MYT1L: variants seen among roughly 807,000 people sequenced by gnomAD.
MYT1L encodes myelin transcription factor 1 like.
A neutral mutation model predicts 126.7 loss-of-function variants in MYT1L; 12 were observed. The ratio of observed to expected loss-of-function variants is 0.09; its 90% CI spans 0.06 to 0.15. The LOEUF (loss-of-function observed/expected upper bound fraction) is 0.15. Ranked by LOEUF, MYT1L falls within the 10% of genes least tolerant of loss-of-function variation. The probability of loss-of-function intolerance (pLI) is 1.00; values close to 1 mark genes in which losing one functional copy is unlikely to be tolerated. For missense variants in MYT1L, 979 were observed against 1,585.2 expected, an observed-to-expected ratio of 0.62 and a Z score of 6.49; for synonymous variants, 541 against 604.2, an observed-to-expected ratio of 0.90 and a Z score of 1.53.
chr2:2,327,631 A>G (rs536416162), intron 1 of MYT1L, among the ~76,000 whole-genome samples: 1 of 152,308 alleles, frequency 6.6e-6, no homozygotes, highest in East Asian at 1.9e-4. Flanking sequence ...TCCTGAACAG[A>G]GTTCTGGTGA....
At chr2:2,248,742 C>G (rs549394041) in intron 2 of MYT1L, among the ~76,000 whole-genome samples, 3 of 152,180 alleles carry the variant, frequency 2.0e-5, no homozygotes, top group African/African-American at 7.2e-5. Context: ...CAGTGTCATA[C>G]ACAATATCCA....
At chr2:2,181,151 A>C (rs567862833) in intron 2 of MYT1L, among the ~76,000 whole-genome samples, 1 of 126,144 alleles carries the variant, frequency 7.9e-6, no homozygotes, top group Admixed American at 8.4e-5. Context: ...TCTGTGCCTG[A>C]GTATGTACCT....
intron 4 of MYT1L, among the ~76,000 whole-genome samples, chr2:2,040,629 T>A (rs1204350366): frequency 1.3e-5 from 2 of 152,206 alleles, no homozygotes; most frequent in African/African-American, 2.4e-5. Flanking sequence ...TATGCCCTTA[T>A]AATTAGACAC....
intron 18 of MYT1L, among the ~76,000 whole-genome samples, chr2:1,866,692 A>G (rs370572409): frequency 1.3e-4 from 7 of 53,396 alleles, no homozygotes; most frequent in East Asian, 8.6e-4. Flanking sequence ...AGGCAGAGAG[A>G]GAGGGAGAGG....
intron 2 of MYT1L, among the ~76,000 whole-genome samples, chr2:2,186,966 C>T (rs1449950021): frequency 2.0e-5 from 3 of 152,106 alleles, no homozygotes; most frequent in Non-Finnish European, 4.4e-5. Context: ...TTGCTCTGAT[C>T]CTCCTTTTGG....
intron 11 of MYT1L, among the ~76,000 whole-genome samples, chr2:1,914,056 C>T (rs2052456707): frequency 6.6e-6 from 1 of 152,048 alleles, no homozygotes; most frequent in African/African-American, 2.4e-5. Context: ...GAGTTCGAGA[C>T]CAGCCTCACC....
intron 1 of MYT1L, among the ~76,000 whole-genome samples, chr2:2,296,799 C>T (rs913345221): frequency 3.8e-4 from 58 of 152,184 alleles, no homozygotes; most frequent in Non-Finnish European, 3.7e-4. Context: ...CAGTGCACTG[C>T]GTCAGGAGTA....
In MYT1L at chr2:2,199,243, A is replaced by G. The variant is rs143266187; in HGVS notation, c.-420-26255T>C. ...GTTCATCCTTTGCTTTGAAAAACAA[A>G]CATTCTTTTTGATAGGAGATCTTTT... On this transcript the variant is annotated intron_variant, in intron 2 of 24. Coordinates refer to ENST00000647738, the MANE Select transcript of MYT1L (RefSeq NM_001303052.2). 4.3e-3 allele frequency among the ~76,000 whole-genome samples: 658 copies of G among 152,336 alleles called. 4 individuals are homozygous for G. The highest frequency in any genetic ancestry group is 0.015 in the African/African-American group (620 of 41,576).
rs1324621859 is a variant in MYT1L, at chr2:1,789,856, C to G, written c.*2011G>C. 6.6e-6 allele frequency: 1 copy of G among 152,088 alleles called. No homozygotes were observed. Among genetic ancestry groups the G allele is most frequent in the Non-Finnish European group, 1.5e-5 (1 of 68,018 alleles). 9.4% of individuals were successfully genotyped at this position (152,088 alleles called of 1,614,324 possible). ...GTACAGAGAAGGTTCCGCAGAGCCC[C>G]GAAATAATTACATCGTCTTTTCCCA... On this transcript the variant is annotated 3_prime_UTR_variant, in exon 25 of 25. Coordinates refer to ENST00000647738, the MANE Select transcript of MYT1L (RefSeq NM_001303052.2).
intron 3 of MYT1L, among the ~76,000 whole-genome samples, chr2:2,125,134 G>T (rs2081523845): frequency 6.6e-6 from 1 of 152,042 alleles, no homozygotes; most frequent in South Asian, 2.1e-4. Flanking sequence ...TTACCTTCCT[G>T]TCTCTTCTGC....
chr2:2,320,141 T>C (rs1361468115), intron 1 of MYT1L, among the ~76,000 whole-genome samples: 1 of 152,094 alleles, frequency 6.6e-6, no homozygotes, highest in African/African-American at 2.4e-5. Flanking sequence ...AAGGGAGAAC[T>C]GCTACCCCAG....
At chr2:1,995,009 T>C (rs1187882062) in intron 5 of MYT1L, among the ~76,000 whole-genome samples, 1 of 152,196 alleles carries the variant, frequency 6.6e-6, no homozygotes, top group African/African-American at 2.4e-5. Flanking sequence ...TGTTAAGTAT[T>C]CACTGGGGAG....
chr2:1,891,457 G>A (rs2148870232), intron 15 of MYT1L, among the ~76,000 whole-genome samples: 1 of 152,298 alleles, frequency 6.6e-6, no homozygotes, highest in South Asian at 2.1e-4. Flanking sequence ...TGGTTCAATT[G>A]ATAAGAAAAT....
At chr2:2,099,129 T>C (rs2077757989) in intron 3 of MYT1L, among the ~76,000 whole-genome samples, 1 of 152,142 alleles carries the variant, frequency 6.6e-6, no homozygotes, top group Admixed American at 6.5e-5. Context: ...TAAATGTATT[T>C]CTTTTGTCCA....
intron 21 of MYT1L, among the ~76,000 whole-genome samples, chr2:1,822,501 G>T (rs1489450664): frequency 6.6e-6 from 1 of 152,202 alleles, no homozygotes; most frequent in Non-Finnish European, 1.5e-5. Flanking sequence ...GGATGCTCCT[G>T]CGTGCTCAGC....
chr2:2,166,369 T>C (rs1327476027), intron 3 of MYT1L, among the ~76,000 whole-genome samples: 3 of 152,236 alleles, frequency 2.0e-5, no homozygotes, highest in Non-Finnish European at 2.9e-5. Context: ...CACTTAGCTC[T>C]GATCCTATTT....
intron 3 of MYT1L, among the ~76,000 whole-genome samples, chr2:2,137,188 G>C (rs1042793908): frequency 6.6e-6 from 1 of 152,184 alleles, no homozygotes; most frequent in African/African-American, 2.4e-5. Context: ...TGAAATAGAA[G>C]AGGATACAAA....
intron 2 of MYT1L, among the ~76,000 whole-genome samples, chr2:2,246,035 A>G (rs1174493300): frequency 6.6e-6 from 1 of 152,198 alleles, no homozygotes; most frequent in Non-Finnish European, 1.5e-5. Flanking sequence ...CTGTAAGATA[A>G]CAAATTTGCA....
Position 1,922,640 on chromosome 2 carries a change from A to G in MYT1L, c.1129T>C (p.Ser377Pro). 1 of 1,613,908 alleles carries G rather than the reference A, an allele frequency of 6.2e-7. No homozygotes were observed. The highest frequency in any genetic ancestry group is 8.5e-7 in the Non-Finnish European group (1 of 1,179,880). Residue 377 changes from serine to proline, a missense_variant, in exon 10 of 25, where the codon TCG (serine) becomes CCG (proline). By Grantham distance (74) the Ser-to-Pro change is moderately conservative. Around this residue, in one of 12 missense-constraint regions of MYT1L, gnomAD observed 243 missense variants for 363.9 expected, o/e 0.67. Coordinates refer to ENST00000647738, the MANE Select transcript of MYT1L (RefSeq NM_001303052.2). The surrounding 1 kb of genome is among the most constrained non-coding windows in gnomAD (Gnocchi z 7.4). ...FPGRTPDRNY[S>P]DMLNLMRLEE... is the part of the protein sequence containing the mutation. The stretch of plus-strand genomic sequence containing the variant: ...AGCCGCATGAGGTTCAGCATGTCCG[A>G]GTAGTTTCTGTCCGGCGTCCTTCCG...
Sources: gnomAD v4.1 joint callset for allele counts (sites outside exome capture counted in the v4.1 genomes callset) on GRCh38, gnomAD v4.1.1 for gene constraint, gnomAD v4.1.1 regional missense constraint, Gnocchi (gnomAD v3.1) non-coding constraint, MANE v1.5 for transcripts, NCBI Gene and HGNC (gene_info 2026-07-23, HGNC 2026-07-21) for gene names.